The following RYR3 variants were observed in gnomAD, a reference collection of about 807,000 sequenced individuals.
RYR3 encodes brain ryanodine receptor-calcium release channel.
Under a neutral mutation model 584.3 loss-of-function variants are expected in RYR3, and 207 were observed. That is an observed-to-expected ratio of 0.35 (90% CI 0.32 to 0.40). The LOEUF is 0.40. Ranked by LOEUF, RYR3 falls within the 10% of genes least tolerant of loss-of-function variation. RYR3 has a pLI of 1.00. For missense variants in RYR3, 5,616 were observed against 6,089.2 expected, an observed-to-expected ratio of 0.92 and a Z score of 2.59; for synonymous variants, 2,416 against 2,248.5, an observed-to-expected ratio of 1.07 and a Z score of -2.11.
chr15:33,836,321 G>A (rs1014128192), intron 87 of RYR3, among the ~76,000 whole-genome samples: 2 of 151,980 alleles, frequency 1.3e-5, no homozygotes, highest in African/African-American at 4.8e-5. Flanking sequence ...AGGCACGGAG[G>A]TAGCTTAGCG....
At chr15:33,579,318 T>A (rs1241232589) in intron 12 of RYR3, among the ~76,000 whole-genome samples, 1 of 151,824 alleles carries the variant, frequency 6.6e-6, no homozygotes, top group Non-Finnish European at 1.5e-5. Flanking sequence ...CAGAGAAACG[T>A]GATGAGAAAA....
intron 10 of RYR3, among the ~76,000 whole-genome samples, chr15:33,556,971 TA>T (rs1161771217): frequency 2.0e-5 from 3 of 152,216 alleles, no homozygotes; most frequent in Non-Finnish European, 2.9e-5. Context: ...CTAATAGTAG[TA>T]TATGTTTTCA....
At position 33,769,104 on chromosome 15, in the gene RYR3, T is replaced by A. The variant is rs1453242045; in HGVS notation, c.8756-8T>A. 6.2e-7 allele frequency: 1 copy of A among 1,609,044 alleles called. No individual in the cohort carries two copies. The highest frequency in any genetic ancestry group is 1.3e-5 in the African/African-American group (1 of 74,958). ...TGAGGGAATCACAGATGATTTTTTT[T>A]ATTCCAGGTAGTGATTCTACTACAA... is the stretch of plus-strand genomic sequence containing the variant. On this transcript the variant is annotated splice_polypyrimidine_tract_variant and splice_region_variant and intron_variant, in intron 61 of 103. Transcript: ENST00000634891.
intron 95 of RYR3, 21 bp from the exon 96 acceptor site, chr15:33,853,534 C>CCCTGTCAT: frequency 6.2e-7 from 1 of 1,611,586 alleles, no homozygotes; most frequent in Non-Finnish European, 8.5e-7. Context: ...CCTGAGCTCA[C>CCCTGTCAT]CCTGTCATCC....
At chr15:33,584,056 AAAAC>A (rs999787075) in intron 14 of RYR3, among the ~76,000 whole-genome samples, 17 of 151,888 alleles carry the variant, frequency 1.1e-4, no homozygotes, top group African/African-American at 1.9e-4. Context: ...TCCATCTCAA[AAAAC>A]AAACAAACAA....
chr15:33,861,850 C>G (rs1366317272), intron 102 of RYR3, among the ~76,000 whole-genome samples: 1 of 152,134 alleles, frequency 6.6e-6, no homozygotes, highest in African/African-American at 2.4e-5. Flanking sequence ...GTCTTGAACT[C>G]CTGACCTCAG....
intron 2 of RYR3, among the ~76,000 whole-genome samples, chr15:33,487,228 A>G (rs546745410): frequency 6.7e-6 from 1 of 149,968 alleles, no homozygotes; most frequent in Admixed American, 6.7e-5. Flanking sequence ...GAGGTGGATG[A>G]TTGAGCATAT....
chr15:33,636,567 C>A lies in RYR3; in HGVS notation c.3556+17C>A. On this transcript the variant is annotated intron_variant, in intron 27 of 103. Transcript: ENST00000634891. Reference sequence around the variant, plus strand: ...TTGAGAATGGTAAATCTAACACCCTCTGCCAACCCCAGCTCCATGAGGCTG... The same window carrying A: ...TTGAGAATGGTAAATCTAACACCCTATGCCAACCCCAGCTCCATGAGGCTG... 1 of 1,556,518 alleles carries A rather than the reference C, an allele frequency of 6.4e-7. No homozygotes were observed. The highest frequency in any genetic ancestry group is 1.3e-5 in the South Asian group (1 of 79,404).
At chr15:33,590,767 C>A (rs773151478) in intron 16 of RYR3, among the ~76,000 whole-genome samples, 19 of 151,954 alleles carry the variant, frequency 1.3e-4, no homozygotes, top group Non-Finnish European at 2.4e-4. Flanking sequence ...CAGGATATGA[C>A]ATTTTTCCTT....
At chr15:33,704,909 A>ATAGACTT (rs2066576987) in intron 42 of RYR3, among the ~76,000 whole-genome samples, 1 of 152,190 alleles carries the variant, frequency 6.6e-6, no homozygotes, top group African/African-American at 2.4e-5. Flanking sequence ...GCACACTGCT[A>ATAGACTT]TAGACTTTAT....
At chr15:33,849,450 AATGT>A (rs1337673828) in intron 94 of RYR3, 4 of 149,104 alleles carry the variant, frequency 2.7e-5, no homozygotes, top group African/African-American at 7.8e-5. Flanking sequence ...AGGATTAATG[AATGT>A]ATGTGTCAAA....
chr15:33,858,022 G>C, intron 99 of RYR3, 108 bp downstream of exon 99: 2 of 1,392,708 alleles, frequency 1.4e-6, no homozygotes, highest in Non-Finnish European at 9.8e-7. Context: ...GAACTGTAGA[G>C]TTAGTTACAG....
chr15:33,501,289 C>G (rs755322260), intron 2 of RYR3, among the ~76,000 whole-genome samples: 2 of 151,468 alleles, frequency 1.3e-5, no homozygotes, highest in Non-Finnish European at 2.9e-5. Context: ...ATGGCAGAGA[C>G]AAGGAGAGCT....
At chr15:33,702,461 G>C (rs1449149358) in intron 42 of RYR3, among the ~76,000 whole-genome samples, 1 of 152,128 alleles carries the variant, frequency 6.6e-6, no homozygotes, top group Non-Finnish European at 1.5e-5. Context: ...ATCTATCACA[G>C]GACAAGTTGC....
At chr15:33,581,745 G>T in intron 14 of RYR3, 102 bp downstream of exon 14, 1 of 1,013,832 alleles carries the variant, frequency 9.9e-7, no homozygotes, top group Non-Finnish European at 1.5e-6. Context: ...TGTGATACTT[G>T]GACTGCCTCA....
intron 91 of RYR3, among the ~76,000 whole-genome samples, chr15:33,842,793 C>G (rs551584945): frequency 1.2e-4 from 18 of 152,330 alleles, no homozygotes; most frequent in African/African-American, 3.8e-4. Context: ...GCCTAGACCA[C>G]TTACAGTTTC....
chr15:33,582,649 C>T (rs373219526), intron 14 of RYR3, among the ~76,000 whole-genome samples: 375 of 152,240 alleles, frequency 2.5e-3, no homozygotes, highest in South Asian at 8.9e-3. Flanking sequence ...AACTGACGTA[C>T]ATAGATGCTC....
chr15:33,701,027 G>T lies in RYR3; in HGVS notation c.6430G>T (p.Val2144Leu), dbSNP rs1451700425. ...CCCGCTGGATGTGGCAGCTTCCTCTGTGATGGACAACAATGAGTTAGCGCT... is the reference window on the plus strand; with the variant it reads ...CCCGCTGGATGTGGCAGCTTCCTCTTTGATGGACAACAATGAGTTAGCGCT... ...STPLDVAASS[V>L]MDNNELALSL... is the part of the protein sequence containing the mutation. Residue 2144 changes from valine (V) to leucine (L), a missense_variant, in exon 42 of 104, where the codon GTG becomes TTG. This residue lies in a region of RYR3 where 1,280 missense variants were observed against 1,426.2 expected (regional missense o/e 0.90). Transcript: ENST00000634891. 1.9e-6 allele frequency: 3 copies of T among 1,613,580 alleles called. No homozygotes were observed. Among genetic ancestry groups the T allele is most frequent in the African/African-American group, 1.3e-5 (1 of 75,036 alleles).
intron 67 of RYR3, among the ~76,000 whole-genome samples, chr15:33,799,908 C>T (rs1201153587): frequency 6.7e-6 from 1 of 148,600 alleles, no homozygotes; most frequent in African/African-American, 2.5e-5. Flanking sequence ...ATATCAGAAG[C>T]GTTGAGCAGA....
Sources: allele counts gnomAD v4.1 joint callset (sites outside exome capture counted in the v4.1 genomes callset), GRCh38; gene constraint gnomAD v4.1.1; regional missense constraint gnomAD v4.1.1; transcripts MANE v1.5; gene names NCBI Gene and HGNC (gene_info 2026-07-23, HGNC 2026-07-21).